ATRNL1: variants seen among roughly 807,000 people sequenced by gnomAD.
The protein encoded by ATRNL1 is attractin-like protein 1.
A neutral mutation model predicts 182.7 loss-of-function variants in ATRNL1; 95 were observed. The observed-to-expected ratio is 0.52, with a 90% CI of 0.44 to 0.62. The LOEUF (loss-of-function observed/expected upper bound fraction) is 0.62, where lower values mean the gene tolerates loss of function less well. Among genes scored for constraint, ATRNL1 ranks in the 20% least tolerant of loss-of-function variants. The pLI is 0.00. For missense variants in ATRNL1, 1,471 were observed against 1,679.5 expected (o/e 0.88, Z 2.17); for synonymous variants, 576 against 568.3 (o/e 1.01, Z -0.19).
At chr10:115,350,220 C>G (rs1039797890) in intron 19 of ATRNL1, among the ~76,000 whole-genome samples, 3 of 151,514 alleles carry the variant, frequency 2.0e-5, no homozygotes, top group African/African-American at 7.3e-5. Context: ...CCTGCAGTCC[C>G]AGCTACTTGG....
At chr10:115,373,344 A>T (rs1857493624) in intron 19 of ATRNL1, among the ~76,000 whole-genome samples, 1 of 151,954 alleles carries the variant, frequency 6.6e-6, no homozygotes, top group Non-Finnish European at 1.5e-5. Context: ...AAATTTGGAT[A>T]GCTTTTATTT....
intron 5 of ATRNL1, among the ~76,000 whole-genome samples, chr10:115,130,339 G>A (rs1011789888): frequency 5.3e-5 from 8 of 152,040 alleles, no homozygotes; most frequent in Non-Finnish European, 8.8e-5. Flanking sequence ...ATAACACAGT[G>A]TAATAAATAG....
At chr10:115,661,555 A>T (rs1408421675) in intron 26 of ATRNL1, among the ~76,000 whole-genome samples, 1 of 152,154 alleles carries the variant, frequency 6.6e-6, no homozygotes, top group Non-Finnish European at 1.5e-5. Context: ...ATGTGCAGAA[A>T]GCTTTTGCTT....
At position 115,670,592 on chromosome 10, in the gene ATRNL1, G is replaced by A. The variant is rs1945667061; in HGVS notation, c.3796-56656G>A. 2.6e-5 allele frequency among the ~76,000 whole-genome samples: 4 copies of A among 152,076 alleles called. No individual in the cohort carries two copies. In the South Asian group the frequency reaches 8.3e-4, roughly 31 times the overall value. On this transcript the variant is annotated intron_variant, in intron 26 of 28. Coordinates refer to ENST00000355044, the MANE Select transcript of ATRNL1 (RefSeq NM_207303.4). ...AGTAAAACACTGTCTTAACTACTGA[G>A]CAAGTAGTCTCTTTGAAATCAGCCC...
intron 8 of ATRNL1, among the ~76,000 whole-genome samples, chr10:115,198,617 T>C (rs1304496840): frequency 6.6e-6 from 1 of 152,192 alleles, no homozygotes; most frequent in Non-Finnish European, 1.5e-5. Context: ...TATGTTTTTT[T>C]CTAGTAGTTT....
chr10:115,658,881 G>A (rs919081010), intron 26 of ATRNL1, among the ~76,000 whole-genome samples: 1 of 152,170 alleles, frequency 6.6e-6, no homozygotes, highest in South Asian at 2.1e-4. Flanking sequence ...GCGGCCTCGG[G>A]AAACTTACAG....
At chr10:115,708,188 G>C (rs763628198) in intron 26 of ATRNL1, among the ~76,000 whole-genome samples, 95 of 151,626 alleles carry the variant, frequency 6.3e-4, no homozygotes, top group Non-Finnish European at 1.2e-3. Context: ...ATGGAATTCA[G>C]AGTCCTCTTT....
At chr10:115,137,780 C>T (rs1845582043) in intron 5 of ATRNL1, among the ~76,000 whole-genome samples, 1 of 152,160 alleles carries the variant, frequency 6.6e-6, no homozygotes, top group African/African-American at 2.4e-5. Flanking sequence ...CTGCCACTGG[C>T]CCCTCCCAAA....
intron 19 of ATRNL1, among the ~76,000 whole-genome samples, chr10:115,367,029 G>A (rs1322837947): frequency 7.7e-6 from 1 of 129,958 alleles, no homozygotes; most frequent in Non-Finnish European, 1.6e-5. Flanking sequence ...GTATCTTTGT[G>A]GCGTTCTCTG....
chr10:115,437,529 C>T (rs1846458475), intron 21 of ATRNL1, among the ~76,000 whole-genome samples: 1 of 151,838 alleles, frequency 6.6e-6, no homozygotes, highest in Non-Finnish European at 1.5e-5. Flanking sequence ...TACTTTTATT[C>T]ACATGGGTTT....
At chr10:115,860,536 A>C (rs1325129858) in intron 28 of ATRNL1, among the ~76,000 whole-genome samples, 4 of 152,218 alleles carry the variant, frequency 2.6e-5, no homozygotes, top group African/African-American at 9.6e-5. Flanking sequence ...TACATAAAAA[A>C]AAATGTATAA....
intron 1 of ATRNL1, among the ~76,000 whole-genome samples, chr10:115,108,136 A>G (rs1169426267): frequency 3.9e-5 from 6 of 152,152 alleles, no homozygotes; most frequent in African/African-American, 1.4e-4. Context: ...CCAAATCATT[A>G]CTTTCTGCTT....
intron 9 of ATRNL1, among the ~76,000 whole-genome samples, chr10:115,223,927 A>ATTTT (rs1849582902): frequency 2.6e-5 from 1 of 38,164 alleles, no homozygotes; most frequent in Non-Finnish European, 6.6e-5. Flanking sequence ...ATATATATAT[A>ATTTT]TATTTTTTTT....
chr10:115,173,740 C>T (rs1847383061), intron 8 of ATRNL1, among the ~76,000 whole-genome samples: 1 of 151,806 alleles, frequency 6.6e-6, no homozygotes, highest in Non-Finnish European at 1.5e-5. Context: ...AATTCTACCT[C>T]ATCTGTCGTT....
intron 26 of ATRNL1, among the ~76,000 whole-genome samples, chr10:115,711,716 C>G (rs1170993807): frequency 6.6e-6 from 1 of 152,136 alleles, no homozygotes; most frequent in East Asian, 1.9e-4. Context: ...GGACATATAT[C>G]AAATCAGCTT....
intron 24 of ATRNL1, among the ~76,000 whole-genome samples, chr10:115,506,727 T>A (rs913836316): frequency 2.0e-5 from 3 of 152,076 alleles, no homozygotes; most frequent in Non-Finnish European, 4.4e-5. Context: ...AGGGATTCTC[T>A]GGACGGTATG....
chr10:115,357,253 C>A (rs1856544608), intron 19 of ATRNL1, among the ~76,000 whole-genome samples: 1 of 151,870 alleles, frequency 6.6e-6, no homozygotes, highest in Non-Finnish European at 1.5e-5. Flanking sequence ...TACTTATATT[C>A]TAATACGTAT....
rs147634477 is a variant in ATRNL1, at chr10:115,501,446, AT to A, written c.3655-17815del. On this transcript the variant is annotated intron_variant, in intron 24 of 28. Transcript: ENST00000355044. ...AGGCCAGTTTTTCCATGGGGCTGTT[AT>A]TGGCTCCATAAGTTGTTTGATTCCT... Among the ~76,000 whole-genome samples, 499 of 152,258 alleles carry A rather than the reference AT, an allele frequency of 3.3e-3. 3 individuals are homozygous for A. The highest frequency in any genetic ancestry group is 0.012 in the African/African-American group (478 of 41,550).
intron 10 of ATRNL1, among the ~76,000 whole-genome samples, chr10:115,252,279 G>A (rs1232763373): frequency 5.3e-5 from 8 of 151,956 alleles, no homozygotes; most frequent in African/African-American, 1.9e-4. Context: ...TGCCCGCCTC[G>A]ACCTCCCAAA....
Sources: gnomAD v4.1 joint callset for allele counts (sites outside exome capture counted in the v4.1 genomes callset) on GRCh38, gnomAD v4.1.1 for gene constraint, MANE v1.5 for transcripts, NCBI Gene and HGNC (gene_info 2026-07-23, HGNC 2026-07-21) for gene names.